The following PRKCB variants were observed in gnomAD, a reference collection of about 807,000 sequenced individuals.
PRKCB encodes the protein protein kinase C beta type.
PRKCB carries 13 observed loss-of-function variants against 81.5 expected under a neutral mutation model. The ratio of observed to expected loss-of-function variants is 0.16; its 90% CI spans 0.10 to 0.25. The LOEUF is 0.25. PRKCB is among the 10% of genes least tolerant of loss of function. The pLI is 1.00. For missense variants in PRKCB, 509 were observed against 875.7 expected (o/e 0.58, Z 5.29); for synonymous variants, 335 against 321.4 (o/e 1.04, Z -0.45).
intron 2 of PRKCB, among the ~76,000 whole-genome samples, chr16:23,897,217 C>T (rs1004384961): frequency 6.6e-6 from 1 of 152,172 alleles, no homozygotes; most frequent in Non-Finnish European, 1.5e-5. Flanking sequence ...ACGTGCTGTG[C>T]TCTGTAGAGC....
At chr16:23,874,786 A>T (rs2141102213) in intron 2 of PRKCB, among the ~76,000 whole-genome samples, 1 of 152,320 alleles carries the variant, frequency 6.6e-6, no homozygotes, top group African/African-American at 2.4e-5. Context: ...GCCCTCTCAG[A>T]CTGCTGACTC....
intron 16 of PRKCB, among the ~76,000 whole-genome samples, chr16:24,197,535 A>G (rs140920173): frequency 1.4e-3 from 214 of 152,260 alleles, no homozygotes; most frequent in African/African-American, 4.9e-3. Flanking sequence ...GCCAAAGGAA[A>G]GCACAGGCCA....
chr16:23,958,423 G>C (rs1964378952), intron 2 of PRKCB, among the ~76,000 whole-genome samples: 1 of 152,112 alleles, frequency 6.6e-6, no homozygotes, highest in Non-Finnish European at 1.5e-5. Context: ...TTCTGCCTCA[G>C]CCTCCTGAGT....
intron 3 of PRKCB, among the ~76,000 whole-genome samples, chr16:24,017,533 T>G (rs535850834): frequency 1.3e-5 from 2 of 151,964 alleles, no homozygotes; most frequent in Non-Finnish European, 2.9e-5. Flanking sequence ...CGCACATGCG[T>G]TATACGTTGA....
At chr16:24,196,333 C>CA (rs1967878027) in intron 16 of PRKCB, among the ~76,000 whole-genome samples, 1 of 152,196 alleles carries the variant, frequency 6.6e-6, no homozygotes, top group South Asian at 2.1e-4. Flanking sequence ...TTCTTATGTA[C>CA]AGCAGGGTAT....
intron 3 of PRKCB, among the ~76,000 whole-genome samples, chr16:24,016,699 A>G (rs1965283414): frequency 6.6e-6 from 1 of 152,172 alleles, no homozygotes; most frequent in African/African-American, 2.4e-5. Flanking sequence ...TCTTTTCTGG[A>G]AAAACACAAG....
chr16:24,123,333 G>A (rs1454263530), intron 8 of PRKCB, among the ~76,000 whole-genome samples: 1 of 152,174 alleles, frequency 6.6e-6, no homozygotes, highest in Non-Finnish European at 1.5e-5. Flanking sequence ...ACATTGCAGA[G>A]AAGAAGCACC....
Position 24,028,402 on chromosome 16 carries a change from T to A in PRKCB, c.289-3734T>A, listed in dbSNP as rs573771889. Among the ~76,000 whole-genome samples the A allele has an allele frequency of 1.5e-4, 23 of 152,344 alleles. No individual in the cohort carries two copies. The South Asian group carries it at 2.1e-3, about 14-fold the overall frequency. On this transcript the variant is annotated intron_variant, in intron 3 of 16. Transcript: ENST00000643927. ...CTGCTCCAGGCCACAAATTCACTTT[T>A]AAAAATATAAAGTAAAATTCATCAC...
At chr16:24,191,398 A>G (rs766343070) in intron 16 of PRKCB, 168 bp downstream of exon 16, 19 of 667,840 alleles carry the variant, frequency 2.8e-5, no homozygotes, top group Non-Finnish European at 4.6e-5. Flanking sequence ...TAAGATGGAC[A>G]TTTTCCATTG....
chr16:24,098,810 A>G (rs577172079), intron 7 of PRKCB: 13 of 152,356 alleles, frequency 8.5e-5, no homozygotes, highest in Admixed American at 4.6e-4. Flanking sequence ...CTGATGGTGA[A>G]TAATAAACTA....
At chr16:23,981,227 T>C (rs1240119852) in intron 2 of PRKCB, among the ~76,000 whole-genome samples, 1 of 152,108 alleles carries the variant, frequency 6.6e-6, no homozygotes, top group African/African-American at 2.4e-5. Context: ...TTACCTTTTC[T>C]AGAGGCCACC....
At chr16:24,160,822 G>C (rs560687464) in intron 10 of PRKCB, among the ~76,000 whole-genome samples, 1 of 152,154 alleles carries the variant, frequency 6.6e-6, no homozygotes, top group East Asian at 1.9e-4. Flanking sequence ...GCAGAGACCA[G>C]GGCAAGCAAG....
intron 15 of PRKCB, 90 bp downstream of exon 15, chr16:24,185,657 C>A: frequency 9.3e-7 from 1 of 1,069,972 alleles, no homozygotes; most frequent in Non-Finnish European, 1.4e-6. Flanking sequence ...CAGGGGGGAA[C>A]ACAGCCTGAA....
rs557324822 is a variant in PRKCB at position 24,072,602 on chromosome 16, A to G, written c.530-20189A>G. 2.2e-5 allele frequency among the ~76,000 whole-genome samples: 3 copies of G among 138,952 alleles called. No homozygotes were observed. In the South Asian group the frequency reaches 6.6e-4, roughly 31 times the overall value. 91.2% of individuals were successfully genotyped at this position (138,952 alleles called of 152,430 possible). On this transcript the variant is annotated intron_variant, in intron 5 of 16. Coordinates refer to ENST00000643927, the MANE Select transcript of PRKCB (RefSeq NM_002738.7). ...TCTCTCTCTCTCTTTTTTTTTTGAG[A>G]TGGAGTTTCCCTCTTGTCACCCAGG... is the stretch of plus-strand genomic sequence containing the variant.
At chr16:23,920,633 G>A (rs943236232) in intron 2 of PRKCB, among the ~76,000 whole-genome samples, 1 of 152,228 alleles carries the variant, frequency 6.6e-6, no homozygotes, top group African/African-American at 2.4e-5. Context: ...GTCAGGCGGT[G>A]TGTGGGAGCA....
At chr16:24,137,618 T>C (rs967988812) in intron 9 of PRKCB, among the ~76,000 whole-genome samples, 1 of 152,222 alleles carries the variant, frequency 6.6e-6, no homozygotes, top group African/African-American at 2.4e-5. Flanking sequence ...CATTCATGGC[T>C]ACTGGTCCAA....
intron 3 of PRKCB, among the ~76,000 whole-genome samples, chr16:24,016,852 T>C (rs1241512853): frequency 6.6e-6 from 1 of 152,224 alleles, no homozygotes; most frequent in Non-Finnish European, 1.5e-5. Context: ...TTCTAAATTC[T>C]GATTGGCCCA....
At position 23,882,000 on chromosome 16, in the gene PRKCB, T is replaced by TTCTTTCTTTCTTTCTTTCTTTCTTTC. The variant is rs1567300997; in HGVS notation, c.205+44618_205+44619insTCTCTTTCTTTCTTTCTTTCTTTCTT. Among the ~76,000 whole-genome samples the TTCTTTCTTTCTTTCTTTCTTTCTTTC allele has an allele frequency of 6.1e-4, 50 of 81,700 alleles. 1 individual carries two copies. The highest frequency in any genetic ancestry group is 2.4e-3 in the African/African-American group (44 of 18,496). The allele number at this position is 81,700 out of a possible 152,430, so 53.6% of individuals were successfully genotyped here. A position where few individuals can be genotyped will look rare whatever the true frequency, so the allele number is the denominator to read the frequency against. On this transcript the variant is annotated intron_variant, in intron 2 of 16. Transcript: ENST00000643927. ...TTTCTTTCTTTCTTTCTTTCTTTCTTTCTTTCTTTCTTTCTTTCTTTCTTC... is the reference window on the plus strand; with the variant it reads ...TTTCTTTCTTTCTTTCTTTCTTTCTTTCTTTCTTTCTTTCTTTCTTTCTTTCTCTTTCTTTCTTTCTTTCTTTCTTC...
chr16:24,090,357 G>A (rs767541907), intron 5 of PRKCB, among the ~76,000 whole-genome samples: 34 of 152,216 alleles, frequency 2.2e-4, no homozygotes, highest in Non-Finnish European at 3.8e-4. Context: ...TCATTTATTC[G>A]GTCTCAACCC....
Sources: allele counts gnomAD v4.1 joint callset (sites outside exome capture counted in the v4.1 genomes callset), GRCh38; gene constraint gnomAD v4.1.1; transcripts MANE v1.5; gene names NCBI Gene and HGNC (gene_info 2026-07-23, HGNC 2026-07-21).